DNAH9: variants seen among roughly 807,000 people sequenced by gnomAD.
DNAH9 encodes the protein DNAH9 variant protein.
In DNAH9, 345 loss-of-function variants were observed where a neutral mutation model predicts 471.6. The ratio of observed to expected loss-of-function variants is 0.73; its 90% CI spans 0.67 to 0.80. DNAH9 has a LOEUF of 0.80. Among genes scored for constraint, DNAH9 ranks in the 30% least tolerant of loss-of-function variants. The probability of loss-of-function intolerance (pLI) is 0.00; values close to 1 mark genes in which losing one functional copy is unlikely to be tolerated. For synonymous variants in DNAH9, 2,093 were observed against 2,123.6 expected (o/e 0.99, Z 0.40); for missense variants, 5,407 against 5,609.2 (o/e 0.96, Z 1.15).
chr17:11,748,148 C>CAAAAAA (rs71142241), intron 32 of DNAH9, among the ~76,000 whole-genome samples: 10 of 64,674 alleles, frequency 1.5e-4, no homozygotes, highest in African/African-American at 3.8e-4. Context: ...ACTAAAAATA[C>CAAAAAA]AAAAAAAAAA....
At chr17:11,603,152 A>G (rs1211902683) in intron 1 of DNAH9, among the ~76,000 whole-genome samples, 2 of 152,224 alleles carry the variant, frequency 1.3e-5, no homozygotes, top group East Asian at 3.8e-4. Context: ...GAGACCAGGG[A>G]AAAACCAATG....
chr17:11,665,568 G>T (rs2150722112), intron 15 of DNAH9, among the ~76,000 whole-genome samples: 1 of 152,318 alleles, frequency 6.6e-6, no homozygotes, highest in Non-Finnish European at 1.5e-5. Context: ...AATTTATAGT[G>T]GATAAACTGG....
chr17:11,751,417 A>G (rs62061842), intron 32 of DNAH9, among the ~76,000 whole-genome samples: 17,562 of 152,066 alleles, frequency 0.12, 1,059 homozygotes, highest in East Asian at 0.24. Flanking sequence ...TTGACCAAGT[A>G]AAAGCTATTC....
At chr17:11,605,628 T>C (rs1189307728) in intron 1 of DNAH9, among the ~76,000 whole-genome samples, 1 of 151,740 alleles carries the variant, frequency 6.6e-6, no homozygotes, top group Admixed American at 6.6e-5. Flanking sequence ...GCCTCCTTAG[T>C]AACTGGGACT....
At chr17:11,840,978 G>A (rs1971011459) in intron 49 of DNAH9, among the ~76,000 whole-genome samples, 1 of 152,140 alleles carries the variant, frequency 6.6e-6, no homozygotes. Flanking sequence ...ACTTCTTACG[G>A]AAACAATAGA....
At chr17:11,882,243 T>A (rs1972752652) in intron 55 of DNAH9, among the ~76,000 whole-genome samples, 1 of 152,206 alleles carries the variant, frequency 6.6e-6, no homozygotes, top group Admixed American at 6.5e-5. Flanking sequence ...TGACCTCACA[T>A]GACCTCTTCT....
intron 48 of DNAH9, among the ~76,000 whole-genome samples, chr17:11,824,494 AAT>A (rs1397370480): frequency 6.6e-6 from 1 of 152,158 alleles, no homozygotes; most frequent in African/African-American, 2.4e-5. Flanking sequence ...CTCTGGGAGC[AAT>A]AGTCAGTTGG....
In DNAH9 at chr17:11,932,191, G is replaced by A; in HGVS notation, c.12283G>A (p.Glu4095Lys). 1 of 1,613,962 alleles carries A rather than the reference G, an allele frequency of 6.2e-7. No individual in the cohort carries two copies. The highest frequency in any genetic ancestry group is 1.1e-5 in the South Asian group (1 of 91,052). ...ISVNVLYNFL[E>K]ANAKVPYDDL... Reference sequence around the variant, plus strand: ...TGTGAATGTCCTCTACAACTTCCTGGAGGCCAACGCAAAGGTAAAGGCCAT... The same window carrying A: ...TGTGAATGTCCTCTACAACTTCCTGAAGGCCAACGCAAAGGTAAAGGCCAT... The change falls in exon 64 of 69, where the codon GAG becomes AAG. Residue 4095 changes from glutamate (E) to lysine (K), a missense_variant. Glu to Lys is a moderately conservative substitution (Grantham distance 56). Coordinates refer to ENST00000262442, the MANE Select transcript of DNAH9 (RefSeq NM_001372.4). The surrounding 1 kb of genome is among the most constrained non-coding windows in gnomAD (Gnocchi z 4.3).
At chr17:11,945,841 G>A (rs901297352) in intron 67 of DNAH9, among the ~76,000 whole-genome samples, 1 of 151,104 alleles carries the variant, frequency 6.6e-6, no homozygotes, top group African/African-American at 2.4e-5. Flanking sequence ...GCTGGATCAC[G>A]AGGTCAGGAG....
chr17:11,882,300 C>G (rs576896610), intron 55 of DNAH9, among the ~76,000 whole-genome samples: 1 of 152,146 alleles, frequency 6.6e-6, no homozygotes, highest in Non-Finnish European at 1.5e-5. Context: ...CCTCATTTAA[C>G]CTTAATTACC....
At chr17:11,715,893 A>C (rs746750844) in intron 26 of DNAH9, among the ~76,000 whole-genome samples, 46 of 151,862 alleles carry the variant, frequency 3.0e-4, no homozygotes, top group Admixed American at 1.3e-4. Flanking sequence ...GCTGGCCCAC[A>C]CTCGCAAGCA....
At chr17:11,613,078 A>T in intron 4 of DNAH9, among the ~76,000 whole-genome samples, 1 of 152,178 alleles carries the variant, frequency 6.6e-6, no homozygotes, top group Non-Finnish European at 1.5e-5. Flanking sequence ...AACTGGCATA[A>T]GTTGTTAGTC....
rs572982376 is a variant in DNAH9, at chr17:11,641,685, G to A, written c.1901+1301G>A. Among the ~76,000 whole-genome samples the A allele has an allele frequency of 3.3e-3, 498 of 152,256 alleles. 4 individuals are homozygous for A. Among genetic ancestry groups the A allele is most frequent in the Middle Eastern group, 0.031 (9 of 294 alleles). ...CATCTCAATCACGCAGCAGAAGGCA[G>A]AAGGGAGAAGATAGGTGAATGGGGT... On this transcript the variant is annotated intron_variant, in intron 10 of 68. Transcript: ENST00000262442.
chr17:11,644,562 G>T, intron 10 of DNAH9, 69 bp from the exon 11 acceptor site: 1 of 1,201,070 alleles, frequency 8.3e-7, no homozygotes, highest in South Asian at 1.3e-5. Flanking sequence ...GGAGACTGCA[G>T]TTTGTTCCTC....
At chr17:11,766,287 T>C (rs1237387082) in intron 36 of DNAH9, among the ~76,000 whole-genome samples, 1 of 148,980 alleles carries the variant, frequency 6.7e-6, no homozygotes, top group African/African-American at 2.5e-5. Context: ...AGGCTATACC[T>C]GAGTAGAAGT....
At chr17:11,775,592 G>GTTTT (rs1968387211) in intron 38 of DNAH9, among the ~76,000 whole-genome samples, 2 of 91,004 alleles carry the variant, frequency 2.2e-5, no homozygotes, top group African/African-American at 9.2e-5. Flanking sequence ...AAAATCAGAT[G>GTTTT]TTCTTTTTTT....
chr17:11,741,185 T>G (rs1406486872), intron 29 of DNAH9, among the ~76,000 whole-genome samples: 1 of 152,084 alleles, frequency 6.6e-6, no homozygotes, highest in East Asian at 1.9e-4. Context: ...TTTTTGAAAA[T>G]TTCATATCAG....
chr17:11,763,241 C>T (rs1380328218), intron 35 of DNAH9, among the ~76,000 whole-genome samples, 199 bp from the exon 36 acceptor site: 2 of 152,038 alleles, frequency 1.3e-5, no homozygotes, highest in African/African-American at 2.4e-5. Flanking sequence ...GCTCTGGGCC[C>T]TTACTTCCTT....
Position 11,694,330 on chromosome 17 carries a change from G to A in DNAH9, c.4755G>A (p.Leu1585=), listed in dbSNP as rs2074390098. 6.8e-6 allele frequency: 11 copies of A among 1,613,976 alleles called. No individual in the cohort carries two copies. Among genetic ancestry groups the A allele is most frequent in the Non-Finnish European group, 9.3e-6 (11 of 1,179,988 alleles). ...TGTTCTGTGCCCTCAGATTGTGCCTGTGTGAGAAGGCCCTGGCAGAGTACC... is the reference window on the plus strand; with the variant it reads ...TGTTCTGTGCCCTCAGATTGTGCCTATGTGAGAAGGCCCTGGCAGAGTACC... ...KLEDIQGRLC[L]CEKALAEYLD... The change falls in exon 22 of 69, where the codon CTG becomes CTA. Residue 1585 remains leucine (L), a synonymous_variant. Transcript: ENST00000262442.
Sources: gnomAD v4.1 joint callset for allele counts (sites outside exome capture counted in the v4.1 genomes callset) on GRCh38, gnomAD v4.1.1 for gene constraint, Gnocchi (gnomAD v3.1) non-coding constraint, MANE v1.5 for transcripts, NCBI Gene and HGNC (gene_info 2026-07-23, HGNC 2026-07-21) for gene names.